The following PDS5B variants were observed in gnomAD, a reference collection of about 807,000 sequenced individuals.
PDS5B encodes sister chromatid cohesion protein PDS5 homolog B.
Under a neutral mutation model 184.1 loss-of-function variants are expected in PDS5B, and 51 were observed. The observed-to-expected ratio is 0.28, with a 90% CI of 0.22 to 0.35. The LOEUF is 0.35. Ranked by LOEUF, PDS5B falls within the 10% of genes least tolerant of loss-of-function variation. The probability of loss-of-function intolerance (pLI) is 1.00; values close to 1 mark genes in which losing one functional copy is unlikely to be tolerated. For missense variants in PDS5B, 1,180 were observed against 1,723.3 expected (o/e 0.68, Z 5.58); for synonymous variants, 566 against 569.2 (o/e 0.99, Z 0.08).
chr13:32,719,997 C>T (rs1357126123), intron 19 of PDS5B, among the ~76,000 whole-genome samples: 1 of 152,110 alleles, frequency 6.6e-6, no homozygotes, highest in East Asian at 1.9e-4. Context: ...TGGATTTTGC[C>T]ATGTGGGCGG....
At chr13:32,649,804 A>C (rs1950324381) in intron 2 of PDS5B, 2 of 152,148 alleles carry the variant, frequency 1.3e-5, no homozygotes, top group African/African-American at 2.4e-5. Context: ...TTCAAAGGAA[A>C]ATCATCTTTG....
chr13:32,725,427 C>G (rs1365396913), intron 19 of PDS5B, among the ~76,000 whole-genome samples: 1 of 152,038 alleles, frequency 6.6e-6, no homozygotes, highest in Non-Finnish European at 1.5e-5. Context: ...TCTTTGCTAT[C>G]TTGTATGACA....
chr13:32,591,816 C>G (rs2140459980), intron 1 of PDS5B, among the ~76,000 whole-genome samples: 1 of 152,278 alleles, frequency 6.6e-6, no homozygotes, highest in African/African-American at 2.4e-5. Flanking sequence ...CCCCCACCAC[C>G]TACCTTCACC....
chr13:32,765,684 A>G (rs1473396159), intron 31 of PDS5B, among the ~76,000 whole-genome samples: 1 of 152,034 alleles, frequency 6.6e-6, no homozygotes, highest in Non-Finnish European at 1.5e-5. Flanking sequence ...GCTCACTGCA[A>G]CCTCCGCTTC....
intron 24 of PDS5B, among the ~76,000 whole-genome samples, chr13:32,753,074 A>T (rs1026054105): frequency 1.3e-5 from 2 of 152,144 alleles, no homozygotes; most frequent in Non-Finnish European, 2.9e-5. Flanking sequence ...GGGCAGATTT[A>T]TATTTACTAG....
At chr13:32,609,656 G>C (rs1408890171) in intron 1 of PDS5B, among the ~76,000 whole-genome samples, 1 of 152,186 alleles carries the variant, frequency 6.6e-6, no homozygotes, top group East Asian at 1.9e-4. Context: ...CTACATTCCA[G>C]ACATACTTTT....
chr13:32,760,693 C>T lies in PDS5B; in HGVS notation c.3491C>T (p.Pro1164Leu). 9 of 1,613,944 alleles carry T rather than the reference C, an allele frequency of 5.6e-6. No individual in the cohort carries two copies. The highest frequency in any genetic ancestry group is 7.6e-6 in the Non-Finnish European group (9 of 1,179,922). The change falls in exon 30 of 35, where the codon CCA (proline) becomes CTA (leucine). Residue 1164 changes from proline (P) to leucine (L), a missense_variant. Transcript: ENST00000315596. Reference protein sequence around the residue: ...TVSNASSSSNPSSPGRIKGRL... With the variant: ...TVSNASSSSNLSSPGRIKGRL... ...AGCAATGCAAGCAGCAGCTCAAATC[C>T]AAGCTCTCCTGGAAGAATAAAGGGG...
rs1048652844 is a variant in PDS5B, at chr13:32,672,551, G to A, written c.706-665G>A. Among the ~76,000 whole-genome samples the A allele has an allele frequency of 2.0e-5, 3 of 152,160 alleles. No homozygotes were observed. The East Asian group carries it at 5.8e-4, about 29-fold the overall frequency. On this transcript the variant is annotated intron_variant, in intron 7 of 34. Transcript: ENST00000315596. ...GGCTGTCTGCAAGCTGGAGAACCAG[G>A]GAAGCCAATGGTGTTACTCTCAGAG...
At chr13:32,646,525 C>T (rs753838051) in intron 1 of PDS5B, among the ~76,000 whole-genome samples, 21 of 151,072 alleles carry the variant, frequency 1.4e-4, no homozygotes, top group Admixed American at 4.6e-4. Context: ...ACAAACTATA[C>T]GTTTCTATTG....
intron 11 of PDS5B, among the ~76,000 whole-genome samples, chr13:32,685,368 G>A (rs944336554): frequency 6.6e-6 from 1 of 152,178 alleles, no homozygotes; most frequent in South Asian, 2.1e-4. Context: ...TCATAGGATA[G>A]TAGCCTTCTA....
At chr13:32,660,170 T>G (rs1408354234) in intron 6 of PDS5B, among the ~76,000 whole-genome samples, 1 of 152,110 alleles carries the variant, frequency 6.6e-6, no homozygotes, top group Non-Finnish European at 1.5e-5. Context: ...GCCCACCATG[T>G]CCTGACTCTA....
At chr13:32,722,896 C>G (rs957854359) in intron 19 of PDS5B, among the ~76,000 whole-genome samples, 24 of 152,158 alleles carry the variant, frequency 1.6e-4, no homozygotes, top group Non-Finnish European at 3.5e-4. Flanking sequence ...TTAAGAAGCT[C>G]TAGTGTCTTG....
At chr13:32,588,403 A>G (rs2140452725) in intron 1 of PDS5B, among the ~76,000 whole-genome samples, 1 of 152,344 alleles carries the variant, frequency 6.6e-6, no homozygotes, top group South Asian at 2.1e-4. Flanking sequence ...AAATATGTCT[A>G]ACAAGATGCA....
At chr13:32,672,865 A>G (rs574058602) in intron 7 of PDS5B, among the ~76,000 whole-genome samples, 13 of 152,352 alleles carry the variant, frequency 8.5e-5, no homozygotes, top group Non-Finnish European at 1.8e-4. Context: ...TTTACCAGCT[A>G]TCTAGGTATC....
chr13:32,676,577 A>G (rs956308100), intron 9 of PDS5B, among the ~76,000 whole-genome samples: 4 of 152,164 alleles, frequency 2.6e-5, no homozygotes, highest in African/African-American at 9.7e-5. Flanking sequence ...CTGACTCAGA[A>G]AAAAAGAGAA....
At chr13:32,638,125 A>G (rs1226688638) in intron 1 of PDS5B, among the ~76,000 whole-genome samples, 1 of 152,062 alleles carries the variant, frequency 6.6e-6, no homozygotes, top group Non-Finnish European at 1.5e-5. Flanking sequence ...ATACATTCTA[A>G]TTTTCCACTG....
At chr13:32,729,489 A>C (rs1442088119) in intron 19 of PDS5B, among the ~76,000 whole-genome samples, 1 of 152,094 alleles carries the variant, frequency 6.6e-6, no homozygotes, top group East Asian at 1.9e-4. Flanking sequence ...GTCAAGTGGT[A>C]TTTCTAGTTC....
At position 32,758,081 on chromosome 13, in the gene PDS5B, T is replaced by TC; in HGVS notation, c.3057-6_3057-5insC. On this transcript the variant is annotated splice_region_variant and splice_polypyrimidine_tract_variant and intron_variant, in intron 26 of 34. Transcript: ENST00000315596. ...ATATTTCTTTTTTCCTTTTTTTTTT[T>TC]TTTAGATGTCTTTGGTTTGTTCTGG... 1 of 1,317,628 alleles carries TC rather than the reference T, an allele frequency of 7.6e-7. No individual in the cohort carries two copies. Among genetic ancestry groups the TC allele is most frequent in the Non-Finnish European group, 1.0e-6 (1 of 983,786 alleles). The allele number at this position is 1,317,628 out of a possible 1,614,324, so 81.6% of individuals were successfully genotyped here.
At chr13:32,644,683 G>T (rs1286083328) in intron 1 of PDS5B, among the ~76,000 whole-genome samples, 1 of 152,024 alleles carries the variant, frequency 6.6e-6, no homozygotes, top group Non-Finnish European at 1.5e-5. Context: ...GGTGTTTATA[G>T]CATCCTACTT....
Sources: allele counts gnomAD v4.1 joint callset (sites outside exome capture counted in the v4.1 genomes callset), GRCh38; gene constraint gnomAD v4.1.1; transcripts MANE v1.5; gene names NCBI Gene and HGNC (gene_info 2026-07-23, HGNC 2026-07-21).